The following DNAJC25 variants were observed in gnomAD, a reference collection of about 807,000 sequenced individuals.
DNAJC25 encodes the protein dnaJ homolog subfamily C member 25.
In DNAJC25, 26 loss-of-function variants were observed where a neutral mutation model predicts 42.1. The observed-to-expected ratio is 0.62, with a 90% CI of 0.45 to 0.86. The LOEUF is 0.86. Ranked by LOEUF, DNAJC25 falls within the 40% of genes least tolerant of loss-of-function variation. The probability of loss-of-function intolerance (pLI) is 0.00; values close to 1 mark genes in which losing one functional copy is unlikely to be tolerated. For synonymous variants in DNAJC25, 189 were observed against 179.9 expected, an observed-to-expected ratio of 1.05 and a Z score of -0.40; for missense variants, 404 against 459.4, an observed-to-expected ratio of 0.88 and a Z score of 1.10.
chr9:111,631,572 C>A lies in DNAJC25; in HGVS notation c.165C>A (p.Gly55=), dbSNP rs1307424381. The stretch of plus-strand genomic sequence containing the variant: ...CGCGGGACTGCTACGAGGTGCTGGG[C>A]GTGAGCCGCTCGGCGGGCAAGGCGG... ...CGTRDCYEVL[G]VSRSAGKAEI... is the part of the protein sequence containing the mutation. The change falls in exon 1 of 4, where the codon GGC becomes GGA. Residue 55 remains glycine, a synonymous_variant. Transcript: ENST00000313525. 5 of 1,451,104 alleles carry A rather than the reference C, an allele frequency of 3.4e-6. No homozygotes were observed. In the Admixed American group the frequency reaches 1.3e-4, roughly 38 times the overall value. The allele number at this position is 1,451,104 out of a possible 1,614,324, so 89.9% of individuals were successfully genotyped here.
chr9:111,653,153 C>G lies in DNAJC25; in HGVS notation c.1014C>G (p.Pro338=). Residue 338 remains proline, a synonymous_variant, in exon 4 of 4, where the codon CCC becomes CCG. Transcript: ENST00000313525. ...TAAAGAAAAAGTTGGCAAATGACCC[C>G]AGATGGAAGAGATACAGGAGATGGA... The part of the protein sequence containing the change: ...EELKKKLAND[P]RWKRYRRWMK... 2 of 1,602,638 alleles carry G rather than the reference C, an allele frequency of 1.2e-6. No individual in the cohort carries two copies. The highest frequency in any genetic ancestry group is 1.7e-6 in the Non-Finnish European group (2 of 1,173,294).
intron 3 of DNAJC25, among the ~76,000 whole-genome samples, chr9:111,651,713 C>T (rs571794780): frequency 6.6e-6 from 1 of 152,014 alleles, no homozygotes; most frequent in East Asian, 1.9e-4. Context: ...ATGGCGAAAC[C>T]CTGTCTCTAC....
At chr9:111,635,257 G>A (rs62569894) in intron 1 of DNAJC25, among the ~76,000 whole-genome samples, 7,567 of 152,184 alleles carry the variant, frequency 0.05, 308 homozygotes, top group South Asian at 0.15. Flanking sequence ...TTTTTTGTGC[G>A]TATATCCATA....
At chr9:111,642,014 C>T (rs1271788917) in intron 1 of DNAJC25, among the ~76,000 whole-genome samples, 2 of 121,398 alleles carry the variant, frequency 1.6e-5, no homozygotes, top group African/African-American at 6.2e-5. Flanking sequence ...CCCGGCCAGC[C>T]GCCCCGTCCG....
At chr9:111,634,972 G>T (rs62569893) in intron 1 of DNAJC25, among the ~76,000 whole-genome samples, 7,527 of 152,248 alleles carry the variant, frequency 0.049, 306 homozygotes, top group South Asian at 0.15. Context: ...TACAGTTCCA[G>T]ATCTCAGCAA....
intron 1 of DNAJC25, among the ~76,000 whole-genome samples, chr9:111,642,335 T>C (rs1206340943): frequency 2.8e-5 from 3 of 105,710 alleles, no homozygotes; most frequent in African/African-American, 7.1e-5. Context: ...CTCTGAAACA[T>C]GTGCTGTGTC....
At chr9:111,641,634 C>CGG in intron 1 of DNAJC25, among the ~76,000 whole-genome samples, 1 of 130,138 alleles carries the variant, frequency 7.7e-6, no homozygotes, top group South Asian at 2.4e-4. Context: ...GTGGGGGGGT[C>CGG]AGCCCCCCGC....
chr9:111,635,709 G>T (rs1216817582), intron 1 of DNAJC25, among the ~76,000 whole-genome samples: 1 of 152,196 alleles, frequency 6.6e-6, no homozygotes, highest in East Asian at 1.9e-4. Context: ...AAAGAGCCTA[G>T]AAAAGGTCTT....
intron 1 of DNAJC25, among the ~76,000 whole-genome samples, chr9:111,643,808 T>C (rs897307946): frequency 5.3e-5 from 8 of 152,192 alleles, no homozygotes; most frequent in African/African-American, 1.9e-4. Context: ...ACCTTAGCTT[T>C]CTACTTGAGT....
intron 3 of DNAJC25, 109 bp downstream of exon 3, chr9:111,650,032 G>A (rs1830632792): frequency 1.9e-6 from 2 of 1,050,010 alleles, no homozygotes. Context: ...TGAAATCCTA[G>A]AGTTAAACAA....
At chr9:111,652,395 G>A (rs1830674929) in intron 3 of DNAJC25, among the ~76,000 whole-genome samples, 2 of 150,674 alleles carry the variant, frequency 1.3e-5, no homozygotes, top group African/African-American at 4.9e-5. Context: ...GCATGCTCCT[G>A]TAGGCCCAGC....
intron 2 of DNAJC25, among the ~76,000 whole-genome samples, chr9:111,648,963 A>C (rs575639035): frequency 6.6e-6 from 1 of 152,330 alleles, no homozygotes; most frequent in South Asian, 2.1e-4. Flanking sequence ...CCACTGTGAT[A>C]TATGCAGATT....
rs923755339 is a variant in DNAJC25, at chr9:111,653,997, A to G, written c.*775A>G. The G allele has an allele frequency of 5.9e-5, 9 of 152,432 alleles. 1 individual carries two copies. The highest frequency in any genetic ancestry group is 2.4e-5 in the African/African-American group (1 of 41,404). 9.4% of individuals were successfully genotyped at this position (152,432 alleles called of 1,614,324 possible). A position where few individuals can be genotyped will look rare whatever the true frequency, so the allele number is the denominator to read the frequency against. On this transcript the variant is annotated 3_prime_UTR_variant, in exon 4 of 4. Transcript: ENST00000313525. Reference sequence around the variant, plus strand: ...GTAAAAAGGTCTTTTGTACCACAGTATTGGTTTTTTCCCCTCTCTCTTCAC... The same window carrying G: ...GTAAAAAGGTCTTTTGTACCACAGTGTTGGTTTTTTCCCCTCTCTCTTCAC...
intron 3 of DNAJC25, among the ~76,000 whole-genome samples, chr9:111,652,567 G>A (rs1830679774): frequency 6.8e-6 from 1 of 147,954 alleles, no homozygotes; most frequent in South Asian, 2.2e-4. Flanking sequence ...TTGAGATGGA[G>A]TTTCACTCTT....
chr9:111,647,408 T>A, intron 2 of DNAJC25, 149 bp downstream of exon 2: 1 of 1,061,686 alleles, frequency 9.4e-7, no homozygotes, highest in Non-Finnish European at 1.3e-6. Context: ...TGTTGGAATC[T>A]TTGTCAGTGG....
At chr9:111,633,306 A>G (rs10817200) in intron 1 of DNAJC25, among the ~76,000 whole-genome samples, 65,383 of 152,052 alleles carry the variant, frequency 0.43, 16,678 homozygotes, top group African/African-American at 0.7. Flanking sequence ...GATGGTAATA[A>G]GGTTGTGGTG....
chr9:111,635,894 G>T (rs1830355026), intron 1 of DNAJC25, among the ~76,000 whole-genome samples: 1 of 152,060 alleles, frequency 6.6e-6, no homozygotes, highest in African/African-American at 2.4e-5. Context: ...AGCAAAAAAC[G>T]ATTCTGAACT....
intron 2 of DNAJC25, among the ~76,000 whole-genome samples, chr9:111,648,206 T>G (rs940746309): frequency 1.3e-4 from 20 of 152,166 alleles, no homozygotes; most frequent in African/African-American, 4.8e-4. Flanking sequence ...ATGACTAGAA[T>G]GAAGCAATCT....
chr9:111,639,928 C>CTCTCCGTCTCCG (rs71373755), intron 1 of DNAJC25, among the ~76,000 whole-genome samples: 15 of 119,952 alleles, frequency 1.3e-4, no homozygotes, highest in Non-Finnish European at 2.3e-4. Flanking sequence ...CTCCCTCTCC[C>CTCTCCGTCTCCG]TCTCCGTCTC....
Sources: allele counts gnomAD v4.1 joint callset (sites outside exome capture counted in the v4.1 genomes callset), GRCh38; gene constraint gnomAD v4.1.1; transcripts MANE v1.5; gene names NCBI Gene and HGNC (gene_info 2026-07-23, HGNC 2026-07-21).